DKK2: variants seen among roughly 807,000 people sequenced by gnomAD.
DKK2 encodes the protein dickkopf-related protein 2.
In DKK2, 11 loss-of-function variants were observed where a neutral mutation model predicts 28.1. The observed-to-expected ratio is 0.39, with a 90% CI of 0.25 to 0.65. The LOEUF (loss-of-function observed/expected upper bound fraction) is 0.65. Ranked by LOEUF, DKK2 falls within the 30% of genes least tolerant of loss-of-function variation. The pLI is 0.47. For synonymous variants in DKK2, 135 were observed against 126.5 expected, an observed-to-expected ratio of 1.07 and a Z score of -0.45; for missense variants, 326 against 335.5, an observed-to-expected ratio of 0.97 and a Z score of 0.22.
chr4:106,946,060 A>G (rs1414881222), intron 1 of DKK2, among the ~76,000 whole-genome samples: 7 of 152,250 alleles, frequency 4.6e-5, no homozygotes, highest in African/African-American at 1.7e-4. Flanking sequence ...TTGCAGATGT[A>G]CTTTTTACAA....
intron 1 of DKK2, among the ~76,000 whole-genome samples, chr4:106,997,253 A>T (rs939836076): frequency 2.0e-5 from 3 of 152,194 alleles, no homozygotes; most frequent in Non-Finnish European, 4.4e-5. Context: ...TTTAACATCT[A>T]ACACAGAACC....
intron 1 of DKK2, among the ~76,000 whole-genome samples, chr4:106,947,590 C>T (rs1427052549): frequency 1.3e-5 from 2 of 151,838 alleles, no homozygotes; most frequent in African/African-American, 4.8e-5. Flanking sequence ...TGGCAAAGAA[C>T]CTTTGTACAT....
At chr4:106,994,533 CAATT>C (rs1405127594) in intron 1 of DKK2, among the ~76,000 whole-genome samples, 4 of 151,554 alleles carry the variant, frequency 2.6e-5, no homozygotes, top group Admixed American at 6.6e-5. Flanking sequence ...GACAAGTTCA[CAATT>C]AAAGTTTATA....
rs1295253974 is a variant in DKK2 at position 107,035,689 on chromosome 4, G to A, written c.-98C>T. On this transcript the variant is annotated 5_prime_UTR_variant, in exon 1 of 4. Coordinates refer to ENST00000285311, the MANE Select transcript of DKK2 (RefSeq NM_014421.3). ...ACACGGGGCCCCTCACTTGGGTCGC[G>A]GGGGCTTGCAGATTGTGTTCCCTCA... 2 of 1,288,396 alleles carry A rather than the reference G, an allele frequency of 1.6e-6. No homozygotes were observed. Among genetic ancestry groups the A allele is most frequent in the East Asian group, 2.4e-5 (1 of 42,010 alleles). The allele number at this position is 1,288,396 out of a possible 1,614,324, so 79.8% of individuals were successfully genotyped here. A position where few individuals can be genotyped will look rare whatever the true frequency, so the allele number is the denominator to read the frequency against.
At chr4:106,975,978 T>C (rs1256612424) in intron 1 of DKK2, among the ~76,000 whole-genome samples, 1 of 152,252 alleles carries the variant, frequency 6.6e-6, no homozygotes, top group Non-Finnish European at 1.5e-5. Flanking sequence ...TATTTATTTC[T>C]GCCTTAATTT....
intron 1 of DKK2, among the ~76,000 whole-genome samples, chr4:106,963,878 T>G (rs1722729122): frequency 6.6e-6 from 1 of 152,198 alleles, no homozygotes; most frequent in African/African-American, 2.4e-5. Context: ...TAACTCTATT[T>G]TTCATTCTTC....
intron 1 of DKK2, among the ~76,000 whole-genome samples, chr4:106,951,897 T>C (rs1174073985): frequency 6.6e-6 from 1 of 152,110 alleles, no homozygotes; most frequent in Non-Finnish European, 1.5e-5. Context: ...GGGAAAACAT[T>C]TGTATTAAAT....
At chr4:106,941,164 A>T (rs1724693425) in intron 1 of DKK2, among the ~76,000 whole-genome samples, 1 of 152,080 alleles carries the variant, frequency 6.6e-6, no homozygotes, top group Non-Finnish European at 1.5e-5. Context: ...CAAGGAGGTG[A>T]TTCACGGCTC....
chr4:106,981,195 G>T (rs918831580), intron 1 of DKK2, among the ~76,000 whole-genome samples: 3 of 151,960 alleles, frequency 2.0e-5, no homozygotes, highest in African/African-American at 7.2e-5. Flanking sequence ...GTGCCCTAAA[G>T]ATACTTGAAG....
At chr4:106,972,032 A>G (rs1722874619) in intron 1 of DKK2, among the ~76,000 whole-genome samples, 1 of 152,112 alleles carries the variant, frequency 6.6e-6, no homozygotes, top group Admixed American at 6.6e-5. Context: ...ATGCTAGCTA[A>G]TATGTCCAAA....
At chr4:106,935,270 A>G (rs751945824) in intron 1 of DKK2, among the ~76,000 whole-genome samples, 1 of 152,178 alleles carries the variant, frequency 6.6e-6, no homozygotes, top group Non-Finnish European at 1.5e-5. Context: ...ACCGTGTGCG[A>G]GCCAAAGCAG....
At chr4:106,976,451 AGTTAGCTCTTCTT>A (rs1168958993) in intron 1 of DKK2, among the ~76,000 whole-genome samples, 1 of 152,188 alleles carries the variant, frequency 6.6e-6, no homozygotes, top group Non-Finnish European at 1.5e-5. Flanking sequence ...TATTTAGGAT[AGTTAGCTCTTCTT>A]GTTGAATTGA....
chr4:106,981,247 A>C (rs1723023847), intron 1 of DKK2, among the ~76,000 whole-genome samples: 1 of 152,164 alleles, frequency 6.6e-6, no homozygotes, highest in South Asian at 2.1e-4. Context: ...TTAATGATAA[A>C]AATATTATAA....
At chr4:106,941,148 G>A (rs1339074085) in intron 1 of DKK2, among the ~76,000 whole-genome samples, 2 of 151,556 alleles carry the variant, frequency 1.3e-5, no homozygotes, top group Non-Finnish European at 3.0e-5. Flanking sequence ...ATAAAAAAAA[G>A]CATGACAAGG....
chr4:106,933,758 T>C (rs1724535152), intron 1 of DKK2, among the ~76,000 whole-genome samples: 1 of 152,188 alleles, frequency 6.6e-6, no homozygotes, highest in Non-Finnish European at 1.5e-5. Context: ...CATTTAAAAT[T>C]CAAAAGTTTA....
At chr4:107,000,881 A>T (rs1367148766) in intron 1 of DKK2, among the ~76,000 whole-genome samples, 1 of 152,192 alleles carries the variant, frequency 6.6e-6, no homozygotes, top group African/African-American at 2.4e-5. Flanking sequence ...AACTCATAAG[A>T]GTTGAGACAA....
Position 107,029,548 on chromosome 4 carries a change from T to G in DKK2, c.222+5822A>C, listed in dbSNP as rs149161212. ...TAATGGTACCCTTTATTATAAGTTA[T>G]TGTGTGCCGTAAGTTCTTGCAAGCT... On this transcript the variant is annotated intron_variant, in intron 1 of 3. Coordinates refer to ENST00000285311, the MANE Select transcript of DKK2 (RefSeq NM_014421.3). Among the ~76,000 whole-genome samples, 848 of 152,268 alleles carry G rather than the reference T, an allele frequency of 5.6e-3. 6 individuals carry two copies. The highest frequency in any genetic ancestry group is 6.9e-3 in the Non-Finnish European group (469 of 67,998).
chr4:106,978,443 G>C (rs1466032647), intron 1 of DKK2, among the ~76,000 whole-genome samples: 1 of 152,152 alleles, frequency 6.6e-6, no homozygotes, highest in Non-Finnish European at 1.5e-5. Context: ...CCTGCCCAGA[G>C]AGAAGGAATC....
intron 1 of DKK2, among the ~76,000 whole-genome samples, chr4:106,942,266 A>G (rs552409207): frequency 6.6e-6 from 1 of 152,280 alleles, no homozygotes; most frequent in African/African-American, 2.4e-5. Context: ...CACCACCCAC[A>G]TCCCAGTACA....
Sources: gnomAD v4.1 joint callset for allele counts (sites outside exome capture counted in the v4.1 genomes callset) on GRCh38, gnomAD v4.1.1 for gene constraint, MANE v1.5 for transcripts, NCBI Gene and HGNC (gene_info 2026-07-23, HGNC 2026-07-21) for gene names.